Variants in POLR3E observed in about 807,000 individuals in gnomAD.
POLR3E encodes the protein DNA-directed RNA polymerase III subunit RPC5.
A neutral mutation model predicts 96.6 loss-of-function variants in POLR3E; 41 were observed. The observed-to-expected ratio is 0.42, with a 90% CI of 0.33 to 0.55. The LOEUF is 0.55. Among genes scored for constraint, POLR3E ranks in the 20% least tolerant of loss-of-function variants. The pLI is 0.06. For synonymous variants in POLR3E, 396 were observed against 383.6 expected, an observed-to-expected ratio of 1.03 and a Z score of -0.38; for missense variants, 849 against 952.1, an observed-to-expected ratio of 0.89 and a Z score of 1.43.
intron 17 of POLR3E, 120 bp from the exon 18 acceptor site, chr16:22,325,641 C>A: frequency 8.2e-7 from 1 of 1,224,786 alleles, no homozygotes; most frequent in East Asian, 2.6e-5. Context: ...GGCTGATTTT[C>A]GAGAAAGGTT....
Position 22,308,151 on chromosome 16 carries a change from C to A in POLR3E, c.91C>A (p.Pro31Thr). The part of the protein sequence containing the change: ...LAEKLYLFQY[P>T]VRPASMTYDD... ...ATGGCTCCCTTCCCCTCCCCAGTAC[C>A]CTGTGCGTCCAGCCTCGATGACCTA... Residue 31 changes from proline (P) to threonine (T), a missense_variant, in exon 4 of 21, where the codon CCT becomes ACT. Coordinates refer to ENST00000299853, the MANE Select transcript of POLR3E (RefSeq NM_018119.4). 1.2e-6 allele frequency: 2 copies of A among 1,612,848 alleles called. No individual in the cohort carries two copies. Among genetic ancestry groups the A allele is most frequent in the Non-Finnish European group, 1.7e-6 (2 of 1,178,998 alleles).
chr16:22,322,827 G>C lies in POLR3E; in HGVS notation c.987-23G>C. 1 of 1,576,472 alleles carries C rather than the reference G, an allele frequency of 6.3e-7. No homozygotes were observed. The highest frequency in any genetic ancestry group is 8.7e-7 in the Non-Finnish European group (1 of 1,147,098). On this transcript the variant is annotated intron_variant, in intron 13 of 20. Transcript: ENST00000299853. The surrounding 1 kb of genome is among the most constrained non-coding windows in gnomAD (Gnocchi z 5.2). The stretch of plus-strand genomic sequence containing the variant: ...GGGGGCTCAGGGCAGGGACTGACCT[G>C]CCATCCTCACCTGCATTGGCAGTGA...
rs924475743 is a variant in POLR3E at position 22,313,135 on chromosome 16, C to T, written c.365-485C>T. ...CCCAGTTCTAGCAGGGCCTCTTCTC[C>T]AGCCACAGTGGCACTAGTGGACTTC... On this transcript the variant is annotated intron_variant, in intron 6 of 20. Transcript: ENST00000299853. The surrounding 1 kb of genome is among the most constrained non-coding windows in gnomAD (Gnocchi z 4.1). Among the ~76,000 whole-genome samples the T allele has an allele frequency of 6.6e-6, 1 of 152,064 alleles. No individual in the cohort carries two copies. The highest frequency in any genetic ancestry group is 6.6e-5 in the Admixed American group (1 of 15,262).
intron 13 of POLR3E, among the ~76,000 whole-genome samples, chr16:22,321,937 A>T (rs1363694677): frequency 6.6e-6 from 1 of 152,130 alleles, no homozygotes; most frequent in African/African-American, 2.4e-5. Context: ...CTATGGCTAG[A>T]CTGCTCGTTC....
rs2048298093 is a variant in POLR3E at position 22,313,821 on chromosome 16, AGCAGGATCCCTGG to A, written c.472+95_472+107del. The A allele has an allele frequency of 2.3e-6, 2 of 880,006 alleles. No homozygotes were observed. The highest frequency in any genetic ancestry group is 5.0e-5 in the East Asian group (2 of 40,020). The allele number at this position is 880,006 out of a possible 1,614,324, so 54.5% of individuals were successfully genotyped here. A position where few individuals can be genotyped will look rare whatever the true frequency, so the allele number is the denominator to read the frequency against. ...AGAGGGATGGGATGATAGGATGTTT[AGCAGGATCCCTGG>A]CCTCTACCTACTAGATGCCAGAAGC... On this transcript the variant is annotated intron_variant, in intron 7 of 20. Transcript: ENST00000299853. The surrounding 1 kb of genome is among the most constrained non-coding windows in gnomAD (Gnocchi z 4.1).
At chr16:22,300,860 C>T (rs1056621186) in intron 1 of POLR3E, among the ~76,000 whole-genome samples, 1 of 152,176 alleles carries the variant, frequency 6.6e-6, no homozygotes, top group African/African-American at 2.4e-5. Context: ...AGACAACAAA[C>T]ATGTATTGAG....
intron 2 of POLR3E, 62 bp downstream of exon 2, chr16:22,303,066 A>C: frequency 6.9e-7 from 1 of 1,449,782 alleles, no homozygotes; most frequent in Non-Finnish European, 9.7e-7. Context: ...GGTCCTTTCC[A>C]TGTGTCCTCA....
chr16:22,316,788 T>G (rs1307480274), intron 10 of POLR3E, 102 bp downstream of exon 10: 3 of 1,046,532 alleles, frequency 2.9e-6, no homozygotes, highest in Admixed American at 1.8e-5. Context: ...TCCTGTAGCA[T>G]GAGGGTGGAG....
At chr16:22,297,713 C>G (rs760945782) in intron 1 of POLR3E, among the ~76,000 whole-genome samples, 176 bp downstream of exon 1, 55 of 152,362 alleles carry the variant, frequency 3.6e-4, no homozygotes, top group Non-Finnish European at 7.6e-4. Flanking sequence ...AGGCCGACCC[C>G]GGACTCTGAC....
At chr16:22,330,988 CTTTTTTTT>C (rs56100056) in intron 19 of POLR3E, among the ~76,000 whole-genome samples, 5 of 50,756 alleles carry the variant, frequency 9.9e-5, no homozygotes, top group Non-Finnish European at 7.7e-5. Context: ...ATGAAGCATC[CTTTTTTTT>C]TTTTTTTTTT....
rs374276149 is a variant in POLR3E, at chr16:22,309,000, G to T, written c.241G>T (p.Val81Leu). ...CAAAGGGGAGCAGATTGCGCTGAACGTGGACGGGGCCTGCGCCGACGAGAC... is the reference window on the plus strand; with the variant it reads ...CAAAGGGGAGCAGATTGCGCTGAACTTGGACGGGGCCTGCGCCGACGAGAC... Reference protein sequence around the residue: ...RSKGEQIALNVDGACADETST... With the variant: ...RSKGEQIALNLDGACADETST... The change falls in exon 5 of 21, where the codon GTG becomes TTG. Residue 81 changes from valine (V) to leucine (L), a missense_variant. By Grantham distance (32) the Val-to-Leu change is conservative (BLOSUM62 1). Coordinates refer to ENST00000299853, the MANE Select transcript of POLR3E (RefSeq NM_018119.4). The T allele has an allele frequency of 6.2e-7, 1 of 1,613,802 alleles. No individual in the cohort carries two copies. The highest frequency in any genetic ancestry group is 8.5e-7 in the Non-Finnish European group (1 of 1,179,848).
intron 1 of POLR3E, chr16:22,298,971 TGA>T: frequency 2.2e-6 from 1 of 456,050 alleles, no homozygotes; most frequent in Non-Finnish European, 4.4e-6. Context: ...ACTGAAGCAC[TGA>T]GAAGCCTTCA....
Position 22,313,792 on chromosome 16 carries a change from G to T in POLR3E, c.472+65G>T. 1 of 1,117,626 alleles carries T rather than the reference G, an allele frequency of 8.9e-7. No homozygotes were observed. Among genetic ancestry groups the T allele is most frequent in the Non-Finnish European group, 1.3e-6 (1 of 742,380 alleles). The allele number at this position is 1,117,626 out of a possible 1,614,324, so 69.2% of individuals were successfully genotyped here. On this transcript the variant is annotated intron_variant, in intron 7 of 20. Transcript: ENST00000299853. This position sits in a 1 kb window ranked among gnomAD's most constrained non-coding sequence, Gnocchi z 4.1. ...CATCCTGGTGGGATGGCTTGGTCCT[G>T]GGAAGAGGGATGGGATGATAGGATG...
Position 22,307,318 on chromosome 16 carries a change from C to T in POLR3E, c.88-830C>T, listed in dbSNP as rs192050689. Among the ~76,000 whole-genome samples the T allele has an allele frequency of 3.1e-3, 477 of 152,292 alleles. 4 individuals carry two copies. Among genetic ancestry groups the T allele is most frequent in the African/African-American group, 0.011 (457 of 41,560 alleles). On this transcript the variant is annotated intron_variant, in intron 3 of 20. Transcript: ENST00000299853. ...CAGCCCAGGAAGCAGGGAGGAGTCA[C>T]GGCTTTGCTGTGTGAGTGAGCTTTT...
Position 22,322,809 on chromosome 16 carries a change from C to A in POLR3E, c.987-41C>A. 7.1e-7 allele frequency: 1 copy of A among 1,404,478 alleles called. No homozygotes were observed. Among genetic ancestry groups the A allele is most frequent in the Non-Finnish European group, 1.0e-6 (1 of 992,336 alleles). The allele number at this position is 1,404,478 out of a possible 1,614,324, so 87.0% of individuals were successfully genotyped here. A position where few individuals can be genotyped will look rare whatever the true frequency, so the allele number is the denominator to read the frequency against. ...GGGAGGGGTAGCGGTAGAGGGGGCT[C>A]AGGGCAGGGACTGACCTGCCATCCT... On this transcript the variant is annotated intron_variant, in intron 13 of 20. Coordinates refer to ENST00000299853, the MANE Select transcript of POLR3E (RefSeq NM_018119.4). This position sits in a 1 kb window ranked among gnomAD's most constrained non-coding sequence, Gnocchi z 5.2.
intron 4 of POLR3E, chr16:22,308,562 C>T: frequency 2.3e-6 from 1 of 441,528 alleles, no homozygotes; most frequent in Non-Finnish European, 4.1e-6. Flanking sequence ...CTAGCCCCTC[C>T]AGCCACATGG....
chr16:22,304,554 T>C (rs1021098519), intron 2 of POLR3E, among the ~76,000 whole-genome samples: 1 of 151,834 alleles, frequency 6.6e-6, no homozygotes, highest in Non-Finnish European at 1.5e-5. Context: ...GGGAGGCATG[T>C]GTGAAGGGCT....
At chr16:22,312,247 C>G (rs1357421127) in intron 6 of POLR3E, among the ~76,000 whole-genome samples, 1 of 151,884 alleles carries the variant, frequency 6.6e-6, no homozygotes, top group African/African-American at 2.4e-5. Flanking sequence ...GTAATCCCAG[C>G]ACTTTTGGAG....
In POLR3E at chr16:22,308,945, C is replaced by T. The variant is rs755561396; in HGVS notation, c.186C>T (p.Ile62=). The T allele has an allele frequency of 3.1e-6, 5 of 1,613,464 alleles. No individual in the cohort carries two copies. The highest frequency in any genetic ancestry group is 1.7e-4 in the Middle Eastern group (1 of 6,060). Residue 62 remains isoleucine, a synonymous_variant, in exon 5 of 21, where the codon ATC becomes ATT. Transcript: ENST00000299853. ...KQQKVELEMA[I]DTLNPNYCRS... ...TCCAGGTAGAGCTTGAGATGGCCAT[C>T]GACACCCTGAACCCCAACTATTGCC...
Sources: gnomAD v4.1 joint callset for allele counts (sites outside exome capture counted in the v4.1 genomes callset) on GRCh38, gnomAD v4.1.1 for gene constraint, Gnocchi (gnomAD v3.1) non-coding constraint, MANE v1.5 for transcripts, NCBI Gene and HGNC (gene_info 2026-07-23, HGNC 2026-07-21) for gene names.